USH2A: variants seen among roughly 807,000 people sequenced by gnomAD.
The protein encoded by USH2A is Usher syndrome 2A (autosomal recessive, mild).
Under a neutral mutation model 538.9 loss-of-function variants are expected in USH2A, and 443 were observed. That is an observed-to-expected ratio of 0.82 (90% CI 0.76 to 0.89). The LOEUF (loss-of-function observed/expected upper bound fraction) is 0.89. Among genes scored for constraint, USH2A ranks in the 40% least tolerant of loss-of-function variants. USH2A has a pLI of 0.00. For synonymous variants in USH2A, 2,413 were observed against 2,273.5 expected, an observed-to-expected ratio of 1.06 and a Z score of -1.75; for missense variants, 6,633 against 6,324.8, an observed-to-expected ratio of 1.05 and a Z score of -1.65.
chr1:215,745,666 G>A (rs578095615), intron 58 of USH2A, among the ~76,000 whole-genome samples: 92 of 152,302 alleles, frequency 6.0e-4, no homozygotes, highest in Non-Finnish European at 1.2e-3. Flanking sequence ...ACTCAGAGAA[G>A]TTAAATAACT....
intron 60 of USH2A, among the ~76,000 whole-genome samples, chr1:215,738,978 C>T (rs4233312): frequency 0.64 from 97,271 of 151,992 alleles, 34,007 homozygotes; most frequent in Non-Finnish European, 0.79. Context: ...TTGCAGCTAT[C>T]TAAGAAAAAT....
intron 30 of USH2A, among the ~76,000 whole-genome samples, chr1:216,057,484 C>A (rs2031016740): frequency 6.6e-6 from 1 of 151,866 alleles, no homozygotes; most frequent in Non-Finnish European, 1.5e-5. Flanking sequence ...AGTGAAATCC[C>A]ATCTCTACTA....
intron 13 of USH2A, among the ~76,000 whole-genome samples, chr1:216,235,174 C>T (rs1213341339): frequency 1.3e-5 from 2 of 152,178 alleles, no homozygotes; most frequent in Non-Finnish European, 2.9e-5. Flanking sequence ...CCCTTCCCTT[C>T]CACTTAAACA....
intron 35 of USH2A, among the ~76,000 whole-genome samples, chr1:215,978,031 G>A (rs768527774): frequency 2.6e-5 from 4 of 152,138 alleles, no homozygotes; most frequent in South Asian, 2.1e-4. Flanking sequence ...AGAGGCTGAC[G>A]TGGCAGAATC....
chr1:216,105,984 A>T (rs78793208), intron 21 of USH2A, among the ~76,000 whole-genome samples: 5,544 of 151,484 alleles, frequency 0.037, 333 homozygotes, highest in African/African-American at 0.12. Flanking sequence ...TTTTTCAAAG[A>T]TTTTTTAAAG....
intron 21 of USH2A, among the ~76,000 whole-genome samples, chr1:216,118,635 G>A: frequency 6.6e-6 from 1 of 152,206 alleles, no homozygotes; most frequent in East Asian, 1.9e-4. Context: ...CAAGAGCTCA[G>A]AGTTTAAAAA....
At chr1:215,694,042 T>C (rs1408081267) in intron 61 of USH2A, among the ~76,000 whole-genome samples, 1 of 152,186 alleles carries the variant, frequency 6.6e-6, no homozygotes, top group Non-Finnish European at 1.5e-5. Context: ...TAAAATGTTC[T>C]CATATAAATA....
chr1:215,720,774 T>G (rs1455411035), intron 61 of USH2A, among the ~76,000 whole-genome samples: 1 of 151,858 alleles, frequency 6.6e-6, no homozygotes, highest in African/African-American at 2.4e-5. Flanking sequence ...AGCCAGAGAG[T>G]GTATTGCCTG....
intron 35 of USH2A, among the ~76,000 whole-genome samples, chr1:215,983,374 A>C (rs1667797059): frequency 6.6e-6 from 1 of 152,216 alleles, no homozygotes; most frequent in African/African-American, 2.4e-5. Flanking sequence ...ACAATAAGTG[A>C]AAAGCTTTCA....
intron 36 of USH2A, among the ~76,000 whole-genome samples, chr1:215,970,273 T>G (rs1667458738): frequency 6.6e-6 from 1 of 152,142 alleles, no homozygotes; most frequent in South Asian, 2.1e-4. Context: ...TTTTACTTCT[T>G]AATCTTAAAC....
At chr1:215,996,233 AG>A (rs1240793755) in intron 34 of USH2A, among the ~76,000 whole-genome samples, 11 of 152,176 alleles carry the variant, frequency 7.2e-5, no homozygotes, top group Non-Finnish European at 1.3e-4. Context: ...TCTCTTTTCC[AG>A]TAAGTTTTCA....
rs574312582 is a variant in USH2A, at chr1:216,272,915, C to T, written c.1971+16365G>A. Among the ~76,000 whole-genome samples the T allele has an allele frequency of 1.8e-4, 27 of 152,196 alleles. No individual in the cohort carries two copies. In the Middle Eastern group the frequency reaches 0.017, roughly 97 times the overall value. ...ATTAGGCAGTAAAAGTCAAAAGAGA[C>T]TCCAGGGGAATCAGGATCAATGGTT... On this transcript the variant is annotated intron_variant, in intron 11 of 71. Transcript: ENST00000307340.
At chr1:216,194,514 T>C (rs1411284414) in intron 19 of USH2A, among the ~76,000 whole-genome samples, 1 of 152,046 alleles carries the variant, frequency 6.6e-6, no homozygotes, top group Non-Finnish European at 1.5e-5. Flanking sequence ...ATCGATAGCA[T>C]CATATTAAAT....
chr1:216,287,248 A>G (rs1420575588), intron 11 of USH2A, among the ~76,000 whole-genome samples: 1 of 152,210 alleles, frequency 6.6e-6, no homozygotes, highest in Non-Finnish European at 1.5e-5. Flanking sequence ...AAAATTCAAC[A>G]CCATTCATAA....
chr1:215,826,612 C>A (rs1663163734), intron 47 of USH2A, among the ~76,000 whole-genome samples: 1 of 152,130 alleles, frequency 6.6e-6, no homozygotes, highest in Admixed American at 6.5e-5. Flanking sequence ...GATCATGAAT[C>A]TTAATTATCA....
chr1:215,846,748 C>A (rs1256579047), intron 44 of USH2A, among the ~76,000 whole-genome samples: 1 of 152,084 alleles, frequency 6.6e-6, no homozygotes, highest in Non-Finnish European at 1.5e-5. Context: ...TCATAAGTAA[C>A]ATAATCTTAG....
intron 58 of USH2A, among the ~76,000 whole-genome samples, chr1:215,749,593 C>T (rs1023639704): frequency 1.3e-5 from 2 of 152,128 alleles, no homozygotes; most frequent in Non-Finnish European, 1.5e-5. Flanking sequence ...AATGACTGAG[C>T]CCCCTGGTAT....
intron 71 of USH2A, among the ~76,000 whole-genome samples, chr1:215,627,199 C>G (rs934213403): frequency 6.6e-6 from 1 of 152,068 alleles, no homozygotes; most frequent in South Asian, 2.1e-4. Context: ...AAGTCATCAA[C>G]TTTTCAGTGA....
rs371303821 is a variant in USH2A, at chr1:216,030,401, T to C, written c.6325+16030A>G. On this transcript the variant is annotated intron_variant, in intron 32 of 71. Transcript: ENST00000307340. Reference sequence around the variant, plus strand: ...TATAGATATACATCACAGATATATATATGATATATAGATATATATCACAGA... The same window carrying C: ...TATAGATATACATCACAGATATATACATGATATATAGATATATATCACAGA... Among the ~76,000 whole-genome samples the C allele has an allele frequency of 1.5e-5, 2 of 134,872 alleles. 1 individual carries two copies. The highest frequency in any genetic ancestry group is 4.3e-4 in the East Asian group (2 of 4,676). 88.5% of individuals were successfully genotyped at this position (134,872 alleles called of 152,430 possible).
Sources: gnomAD v4.1 joint callset for allele counts (sites outside exome capture counted in the v4.1 genomes callset) on GRCh38, gnomAD v4.1.1 for gene constraint, MANE v1.5 for transcripts, NCBI Gene and HGNC (gene_info 2026-07-23, HGNC 2026-07-21) for gene names.